Variants in TAF2 observed in about 807,000 individuals in gnomAD.
The protein encoded by TAF2 is TATA-box binding protein associated factor 2.
A neutral mutation model predicts 138.5 loss-of-function variants in TAF2; 61 were observed. The observed-to-expected ratio is 0.44, with a 90% CI of 0.36 to 0.54. TAF2 has a LOEUF of 0.54. TAF2 is among the 20% of genes least tolerant of loss of function. The probability of loss-of-function intolerance (pLI) is 0.00; values close to 1 mark genes in which losing one functional copy is unlikely to be tolerated. For synonymous variants in TAF2, 475 were observed against 469.9 expected (o/e 1.01, Z -0.14); for missense variants, 1,090 against 1,427.9 (o/e 0.76, Z 3.81).
chr8:119,783,297 A>C, intron 16 of TAF2, 84 bp downstream of exon 16: 1 of 1,513,490 alleles, frequency 6.6e-7, no homozygotes, highest in Middle Eastern at 1.9e-4. Context: ...AGTAAATTTA[A>C]AGACTAGGTG....
chr8:119,821,293 T>C (rs1825791259), intron 2 of TAF2, among the ~76,000 whole-genome samples: 1 of 152,158 alleles, frequency 6.6e-6, no homozygotes, highest in Non-Finnish European at 1.5e-5. Context: ...ATCTAGCTTC[T>C]CACTCCTTGC....
At chr8:119,767,351 C>G (rs1401749979) in intron 18 of TAF2, among the ~76,000 whole-genome samples, 1 of 152,178 alleles carries the variant, frequency 6.6e-6, no homozygotes, top group Non-Finnish European at 1.5e-5. Flanking sequence ...TCATGGAAAG[C>G]AGAGGAGAGC....
intron 25 of TAF2, among the ~76,000 whole-genome samples, chr8:119,732,602 G>A (rs893006094): frequency 2.6e-5 from 4 of 152,038 alleles, no homozygotes; most frequent in African/African-American, 9.7e-5. Flanking sequence ...TCAGGAGTTC[G>A]AAACCAGCCT....
chr8:119,760,362 G>A, intron 20 of TAF2: 1 of 432,644 alleles, frequency 2.3e-6, no homozygotes, highest in Non-Finnish European at 4.1e-6. Context: ...TAAAGCTACA[G>A]GATGAAAACT....
At chr8:119,814,307 T>C (rs1825295672) in intron 3 of TAF2, among the ~76,000 whole-genome samples, 1 of 152,128 alleles carries the variant, frequency 6.6e-6, no homozygotes, top group Non-Finnish European at 1.5e-5. Flanking sequence ...AGTGCAGCAT[T>C]GTAGCTCAGT....
At chr8:119,820,974 G>C (rs1357044080) in intron 2 of TAF2, among the ~76,000 whole-genome samples, 2 of 152,098 alleles carry the variant, frequency 1.3e-5, no homozygotes, top group Non-Finnish European at 1.5e-5. Flanking sequence ...AAATGAGCTT[G>C]GATCAGCTGA....
intron 25 of TAF2, among the ~76,000 whole-genome samples, chr8:119,738,203 A>C (rs920442507): frequency 2.6e-5 from 4 of 151,764 alleles, no homozygotes; most frequent in Non-Finnish European, 5.9e-5. Context: ...CTTATTATCT[A>C]TCTCTCCTAA....
intron 16 of TAF2, among the ~76,000 whole-genome samples, chr8:119,781,973 C>T (rs1040411124): frequency 2.6e-5 from 4 of 152,164 alleles, no homozygotes; most frequent in Non-Finnish European, 4.4e-5. Flanking sequence ...CAGGCGTGAG[C>T]CACTGCACTC....
intron 2 of TAF2, among the ~76,000 whole-genome samples, chr8:119,825,146 A>G (rs1472007266): frequency 1.3e-5 from 2 of 152,254 alleles, no homozygotes; most frequent in East Asian, 3.9e-4. Context: ...GAGCTGCCCA[A>G]AACTATGGGA....
At chr8:119,804,770 T>C (rs1417771770) in intron 4 of TAF2, among the ~76,000 whole-genome samples, 1 of 152,178 alleles carries the variant, frequency 6.6e-6, no homozygotes, top group Non-Finnish European at 1.5e-5. Context: ...TTTCTCTTAT[T>C]ATATTATCCC....
chr8:119,756,507 T>G (rs1193880970), intron 21 of TAF2, among the ~76,000 whole-genome samples: 1 of 152,178 alleles, frequency 6.6e-6, no homozygotes, highest in Non-Finnish European at 1.5e-5. Context: ...CTACAATGAC[T>G]GGTCAGTAAG....
At chr8:119,822,185 T>A (rs1021361861) in intron 2 of TAF2, among the ~76,000 whole-genome samples, 3 of 152,004 alleles carry the variant, frequency 2.0e-5, no homozygotes, top group Non-Finnish European at 2.9e-5. Context: ...TCTATGAAAT[T>A]CCCCAACATT....
intron 2 of TAF2, among the ~76,000 whole-genome samples, chr8:119,829,809 T>G (rs977683070): frequency 1.3e-5 from 2 of 151,920 alleles, no homozygotes; most frequent in Non-Finnish European, 2.9e-5. Flanking sequence ...GTTTCATCAT[T>G]TGCCAACTTT....
chr8:119,755,104 C>T (rs1820607496), intron 22 of TAF2, among the ~76,000 whole-genome samples: 1 of 152,222 alleles, frequency 6.6e-6, no homozygotes, highest in South Asian at 2.1e-4. Context: ...ACAAATCACA[C>T]ATTAAGTAAA....
chr8:119,741,487 G>A (rs1819598540), intron 25 of TAF2, among the ~76,000 whole-genome samples: 2 of 152,152 alleles, frequency 1.3e-5, no homozygotes. Context: ...CTCATTAAGT[G>A]CAATAAGTCC....
chr8:119,739,295 G>T (rs10101391), intron 25 of TAF2, among the ~76,000 whole-genome samples: 24,679 of 151,928 alleles, frequency 0.16, 3,505 homozygotes, highest in African/African-American at 0.38. Context: ...AGAGAATATT[G>T]TATGTTCATC....
rs574838345 is a variant in TAF2, at chr8:119,791,813, T to C, written c.1278-354A>G. ...TAAAATATATTAAAGATTGATTATA[T>C]ATGTAAAACAAAAACCATTATAAAA... is the stretch of plus-strand genomic sequence containing the variant. On this transcript the variant is annotated intron_variant, in intron 10 of 25. Coordinates refer to ENST00000378164, the MANE Select transcript of TAF2 (RefSeq NM_003184.4). 5 of 159,142 alleles carry C rather than the reference T, an allele frequency of 3.1e-5. No homozygotes were observed. In the East Asian group the frequency reaches 5.3e-4, roughly 17 times the overall value. 9.9% of individuals were successfully genotyped at this position (159,142 alleles called of 1,614,324 possible).
At chr8:119,760,279 G>C (rs1011517867) in intron 20 of TAF2, among the ~76,000 whole-genome samples, 2 of 151,938 alleles carry the variant, frequency 1.3e-5, no homozygotes, top group Non-Finnish European at 2.9e-5. Flanking sequence ...TTTTTATACA[G>C]GTGTGAGATG....
intron 9 of TAF2, among the ~76,000 whole-genome samples, chr8:119,793,960 A>C (rs1237140965): frequency 6.6e-6 from 1 of 150,818 alleles, no homozygotes; most frequent in Non-Finnish European, 1.5e-5. Flanking sequence ...ACAGGGTTTT[A>C]CTCTGTCACC....
Sources: allele counts gnomAD v4.1 joint callset (sites outside exome capture counted in the v4.1 genomes callset), GRCh38; gene constraint gnomAD v4.1.1; transcripts MANE v1.5; gene names NCBI Gene and HGNC (gene_info 2026-07-23, HGNC 2026-07-21).